Variants in UBE2H observed in about 807,000 individuals in gnomAD.
UBE2H encodes the protein ubiquitin-conjugating enzyme E2 H.
A neutral mutation model predicts 29.0 loss-of-function variants in UBE2H; 3 were observed. The ratio of observed to expected loss-of-function variants is 0.10; its 90% CI spans 0.05 to 0.27. The LOEUF (loss-of-function observed/expected upper bound fraction) is 0.27, where lower values mean the gene tolerates loss of function less well. Among genes scored for constraint, UBE2H ranks in the 10% least tolerant of loss-of-function variants. UBE2H has a pLI of 1.00. For synonymous variants in UBE2H, 69 were observed against 82.9 expected (o/e 0.83, Z 0.91); for missense variants, 68 against 228.2 (o/e 0.30, Z 4.52).
chr7:129,893,351 A>G (rs748888928), intron 1 of UBE2H, among the ~76,000 whole-genome samples: 1 of 152,250 alleles, frequency 6.6e-6, no homozygotes, highest in Non-Finnish European at 1.5e-5. Flanking sequence ...AGACTTCCAA[A>G]TAATAGAGTA....
At chr7:129,858,398 TATTC>T (rs1805744261) in intron 4 of UBE2H, among the ~76,000 whole-genome samples, 1 of 152,124 alleles carries the variant, frequency 6.6e-6, no homozygotes, top group Non-Finnish European at 1.5e-5. Flanking sequence ...AACAATAATA[TATTC>T]TAAACAGCAC....
intron 3 of UBE2H, among the ~76,000 whole-genome samples, chr7:129,871,526 G>A (rs932127299): frequency 1.3e-5 from 2 of 152,040 alleles, no homozygotes; most frequent in African/African-American, 4.8e-5. Context: ...ACCAGCCTGG[G>A]CAACATGGTG....
At chr7:129,922,988 G>A (rs1221523071) in intron 1 of UBE2H, among the ~76,000 whole-genome samples, 5 of 151,852 alleles carry the variant, frequency 3.3e-5, no homozygotes, top group African/African-American at 9.7e-5. Flanking sequence ...TGCAAGCTCC[G>A]CCTCCCAGGT....
intron 1 of UBE2H, among the ~76,000 whole-genome samples, chr7:129,946,006 A>G (rs4728180): frequency 0.13 from 19,425 of 151,922 alleles, 1,571 homozygotes; most frequent in East Asian, 0.3. Context: ...TCAGCCTCCC[A>G]AAGTGCTGGA....
chr7:129,918,213 G>C (rs144325482), intron 1 of UBE2H, among the ~76,000 whole-genome samples: 1 of 152,052 alleles, frequency 6.6e-6, no homozygotes, highest in Non-Finnish European at 1.5e-5. Context: ...ATACATGCAC[G>C]CACATACAGT....
At chr7:129,936,334 C>T (rs1036082944) in intron 1 of UBE2H, among the ~76,000 whole-genome samples, 3 of 152,196 alleles carry the variant, frequency 2.0e-5, no homozygotes, top group African/African-American at 4.8e-5. Context: ...GTGGCTCACG[C>T]CTGTAATCCC....
chr7:129,878,373 G>C (rs1223594038), intron 3 of UBE2H, among the ~76,000 whole-genome samples: 2 of 151,964 alleles, frequency 1.3e-5, no homozygotes, highest in African/African-American at 2.4e-5. Context: ...CCAGGATATC[G>C]GGCATTACTT....
At chr7:129,927,891 G>A (rs1584791469) in intron 1 of UBE2H, among the ~76,000 whole-genome samples, 3 of 152,110 alleles carry the variant, frequency 2.0e-5, no homozygotes, top group African/African-American at 7.2e-5. Flanking sequence ...ATTCGAAGGT[G>A]ACCATAATTA....
At chr7:129,867,723 C>CAAAAAAAAAAAAAAAAAAAAAAAAAAA (rs1563027569) in intron 3 of UBE2H, among the ~76,000 whole-genome samples, 9 of 65,556 alleles carry the variant, frequency 1.4e-4, no homozygotes, top group Non-Finnish European at 1.9e-4. Flanking sequence ...AAAAAGAAAA[C>CAAAAAAAAAAAAAAAAAAAAAAAAAAA]CAAAAAAAAA....
intron 5 of UBE2H, 197 bp downstream of exon 5, chr7:129,857,302 AAAAAATCATTTT>A (rs1805724511): frequency 1.0e-5 from 6 of 573,224 alleles, no homozygotes; most frequent in Non-Finnish European, 1.5e-5. Flanking sequence ...TTGGAATCTC[AAAAAATCATTTT>A]AAACTTCCAC....
intron 1 of UBE2H, among the ~76,000 whole-genome samples, chr7:129,892,985 A>C (rs543734022): frequency 6.6e-6 from 1 of 152,348 alleles, no homozygotes; most frequent in African/African-American, 2.4e-5. Context: ...CACTTATTTA[A>C]AAATAGCCAT....
In UBE2H at chr7:129,843,323, T is replaced by C. The variant is rs181317904; in HGVS notation, c.299-3988A>G. ...CCATTAACAGTAATATTAACAGTAATGGCAGGTTAATGCTTACATAGTGCT... is the reference window on the plus strand; with the variant it reads ...CCATTAACAGTAATATTAACAGTAACGGCAGGTTAATGCTTACATAGTGCT... On this transcript the variant is annotated intron_variant, in intron 5 of 6. Coordinates refer to ENST00000355621, the MANE Select transcript of UBE2H (RefSeq NM_003344.4). Among the ~76,000 whole-genome samples the C allele has an allele frequency of 1.3e-4, 19 of 151,760 alleles. No homozygotes were observed. In the East Asian group the frequency reaches 3.8e-3, roughly 30 times the overall value.
chr7:129,893,250 A>G (rs1303965632), intron 1 of UBE2H, among the ~76,000 whole-genome samples: 1 of 152,202 alleles, frequency 6.6e-6, no homozygotes, highest in South Asian at 2.1e-4. Flanking sequence ...TCTATGTCAC[A>G]AGCCAAACAT....
intron 5 of UBE2H, among the ~76,000 whole-genome samples, chr7:129,855,085 C>T (rs1291427159): frequency 2.0e-5 from 3 of 152,196 alleles, no homozygotes; most frequent in Non-Finnish European, 2.9e-5. Flanking sequence ...CTAAAATTGA[C>T]TGTGGTGATG....
chr7:129,891,826 AAC>A (rs376351496), intron 1 of UBE2H, among the ~76,000 whole-genome samples: 17 of 149,252 alleles, frequency 1.1e-4, no homozygotes, highest in African/African-American at 3.7e-4. Context: ...AAAAAAAAAA[AAC>A]ACACACACAC....
chr7:129,944,828 C>G (rs1807730400), intron 1 of UBE2H, among the ~76,000 whole-genome samples: 1 of 151,850 alleles, frequency 6.6e-6, no homozygotes, highest in South Asian at 2.1e-4. Context: ...TATATCCATA[C>G]AATGTTCATA....
At chr7:129,930,933 A>C (rs34227624) in intron 1 of UBE2H, among the ~76,000 whole-genome samples, 1 of 116,322 alleles carries the variant, frequency 8.6e-6, no homozygotes, top group East Asian at 2.7e-4. Flanking sequence ...AAAAAAAAAA[A>C]CAAGGCCGGG....
At chr7:129,939,855 A>C (rs1218054457) in intron 1 of UBE2H, among the ~76,000 whole-genome samples, 1 of 152,018 alleles carries the variant, frequency 6.6e-6, no homozygotes, top group Non-Finnish European at 1.5e-5. Flanking sequence ...GCTACTCGGG[A>C]GCCTGAGGCA....
intron 4 of UBE2H, 65 bp downstream of exon 4, chr7:129,858,835 AAC>A (rs1389832189): frequency 1.4e-6 from 2 of 1,465,692 alleles, no homozygotes; most frequent in Non-Finnish European, 1.9e-6. Context: ...GGCTTTTTAT[AAC>A]ACAGAGAAAC....
Sources: gnomAD v4.1 joint callset for allele counts (sites outside exome capture counted in the v4.1 genomes callset) on GRCh38, gnomAD v4.1.1 for gene constraint, MANE v1.5 for transcripts, NCBI Gene and HGNC (gene_info 2026-07-23, HGNC 2026-07-21) for gene names.